Variants in CST5 observed in about 807,000 individuals in gnomAD.
The protein encoded by CST5 is cystatin D, also known as cystatin-D.
A neutral mutation model predicts 11.5 loss-of-function variants in CST5; 13 were observed. That is an observed-to-expected ratio of 1.13 (90% CI 0.73 to 1.79). CST5 has a LOEUF of 1.79. CST5 is among the 40% of genes most tolerant of loss of function. The pLI is 0.00. For synonymous variants in CST5, 81 were observed against 67.6 expected (o/e 1.20, Z -0.97); for missense variants, 219 against 174.5 (o/e 1.25, Z -1.44).
chr20:23,878,330 G>T (rs1986007043), intron 1 of CST5, among the ~76,000 whole-genome samples: 1 of 152,158 alleles, frequency 6.6e-6, no homozygotes, highest in South Asian at 2.1e-4. Context: ...ATGTCTTAGG[G>T]TTGCAACTTC....
In CST5 at chr20:23,876,218, GGAAATTT is replaced by G; in HGVS notation, c.392_398del (p.Lys131ThrfsTer3). Reference sequence around the variant, plus strand: ...CTTTCCGGCACTTGTAGTTCAGAATGGAAATTTTATCCTCCCAGGGAACTTCATTGAT... The same window carrying G: ...CTTTCCGGCACTTGTAGTTCAGAATGTATCCTCCCAGGGAACTTCATTGAT... On this transcript the variant is annotated frameshift_variant, in exon 3 of 3. Coordinates refer to ENST00000304710, the MANE Select transcript of CST5 (RefSeq NM_001900.5). LOFTEE classifies it low-confidence loss of function (END_TRUNC). The G allele has an allele frequency of 1.9e-6, 3 of 1,613,924 alleles. No homozygotes were observed. Among genetic ancestry groups the G allele is most frequent in the African/African-American group, 2.7e-5 (2 of 75,046 alleles).
intron 1 of CST5, 56 bp downstream of exon 1, chr20:23,879,390 G>A: frequency 1.5e-6 from 2 of 1,325,290 alleles, no homozygotes; most frequent in Non-Finnish European, 1.1e-6. Flanking sequence ...GCTCTGGGGG[G>A]TGAGGCAAAA....
chr20:23,876,938 A>T (rs1985975403), intron 2 of CST5, among the ~76,000 whole-genome samples: 1 of 152,186 alleles, frequency 6.6e-6, no homozygotes, highest in Admixed American at 6.5e-5. Context: ...TTCTTCCTCC[A>T]GTCCAACAGA....
intron 1 of CST5, among the ~76,000 whole-genome samples, chr20:23,878,583 G>A (rs920558007): frequency 6.6e-6 from 1 of 152,216 alleles, no homozygotes; most frequent in African/African-American, 2.4e-5. Context: ...CTCCCAGTGA[G>A]TGACACACTT....
At chr20:23,879,044 G>C (rs1986024116) in intron 1 of CST5, among the ~76,000 whole-genome samples, 1 of 152,174 alleles carries the variant, frequency 6.6e-6, no homozygotes, top group African/African-American at 2.4e-5. Flanking sequence ...GAGGGAAGCG[G>C]GGCTATCCAG....
intron 1 of CST5, among the ~76,000 whole-genome samples, chr20:23,877,884 G>A (rs1985998705): frequency 6.6e-6 from 1 of 152,220 alleles, no homozygotes; most frequent in African/African-American, 2.4e-5. Context: ...GCAGATGGAA[G>A]CCAGGGCCTA....
At position 23,876,276 on chromosome 20, in the gene CST5, G is replaced by T; in HGVS notation, c.346-5C>A. Reference sequence around the variant, plus strand: ...CTGGAAAGAGCAGAACTCTTCCTGTGAAAAGAAAGAGATGGAGAAAATGAC... The same window carrying T: ...CTGGAAAGAGCAGAACTCTTCCTGTTAAAAGAAAGAGATGGAGAAAATGAC... On this transcript the variant is annotated splice_region_variant and splice_polypyrimidine_tract_variant and intron_variant, in intron 2 of 2. Coordinates refer to ENST00000304710, the MANE Select transcript of CST5 (RefSeq NM_001900.5). 6.2e-7 allele frequency: 1 copy of T among 1,606,132 alleles called. No homozygotes were observed. The highest frequency in any genetic ancestry group is 8.5e-7 in the Non-Finnish European group (1 of 1,172,940).
chr20:23,878,277 G>A (rs1178779839), intron 1 of CST5, among the ~76,000 whole-genome samples: 2 of 152,170 alleles, frequency 1.3e-5, no homozygotes, highest in African/African-American at 2.4e-5. Flanking sequence ...CATTCCAGGT[G>A]TGATTTTCAA....
Position 23,876,154 on chromosome 20 carries a change from G to A in CST5, c.*34C>T, listed in dbSNP as rs1448269062. The A allele has an allele frequency of 6.4e-7, 1 of 1,557,578 alleles. No individual in the cohort carries two copies. The highest frequency in any genetic ancestry group is 1.1e-5 in the South Asian group (1 of 89,588). ...GGAGCACTACAGGGGGTGGGAGTAG[G>A]AGGTGGTCAGTGTGACAGGCCTTGC... is the stretch of plus-strand genomic sequence containing the variant. On this transcript the variant is annotated 3_prime_UTR_variant, in exon 3 of 3. Transcript: ENST00000304710.
Position 23,879,380 on chromosome 20 carries a change from G to T in CST5, c.231+66C>A, listed in dbSNP as rs150238317. On this transcript the variant is annotated intron_variant, in intron 1 of 2. Transcript: ENST00000304710. ...TAGATAATGTTGATTTGCTGGGAGT[G>T]CTCTGGGGGGTGAGGCAAAAAACCC... is the stretch of plus-strand genomic sequence containing the variant. The T allele has an allele frequency of 1.4e-5, 16 of 1,150,706 alleles. No individual in the cohort carries two copies. In the African/African-American group the frequency reaches 1.5e-4, roughly 11 times the overall value. The allele number at this position is 1,150,706 out of a possible 1,614,324, so 71.3% of individuals were successfully genotyped here.
Position 23,876,033 on chromosome 20 carries a change from G to A in CST5, c.*155C>T, listed in dbSNP as rs1985953795. 2 of 593,762 alleles carry A rather than the reference G, an allele frequency of 3.4e-6. No homozygotes were observed. The highest frequency in any genetic ancestry group is 3.0e-5 in the Admixed American group (1 of 33,884). 36.8% of individuals were successfully genotyped at this position (593,762 alleles called of 1,614,324 possible). ...AGGAGCAAGGGCAGAGCCTCCTGCT[G>A]AGCAACAAAGGCCTCCTGCCACCTT... On this transcript the variant is annotated 3_prime_UTR_variant, in exon 3 of 3. Coordinates refer to ENST00000304710, the MANE Select transcript of CST5 (RefSeq NM_001900.5).
rs1986037266 is a variant in CST5, at chr20:23,879,503, G to T, written c.174C>A (p.Val58=). ...LDFAISEYNK[V]INKDEYYSRP... The stretch of plus-strand genomic sequence containing the variant: ...GGCTGTAGTACTCATCCTTATTAAT[G>T]ACCTTGTTGTACTCGCTGATGGCAA... The change falls in exon 1 of 3, where the codon GTC becomes GTA. Residue 58 remains valine, a synonymous_variant. Coordinates refer to ENST00000304710, the MANE Select transcript of CST5 (RefSeq NM_001900.5). 3 of 1,614,014 alleles carry T rather than the reference G, an allele frequency of 1.9e-6. No homozygotes were observed. The highest frequency in any genetic ancestry group is 1.1e-5 in the South Asian group (1 of 91,070).
chr20:23,876,098 C>T lies in CST5; in HGVS notation c.*90G>A. 9.5e-7 allele frequency: 1 copy of T among 1,056,826 alleles called. No individual in the cohort carries two copies. The highest frequency in any genetic ancestry group is 1.4e-6 in the Non-Finnish European group (1 of 701,956). 65.5% of individuals were successfully genotyped at this position (1,056,826 alleles called of 1,614,324 possible). On this transcript the variant is annotated 3_prime_UTR_variant, in exon 3 of 3. Coordinates refer to ENST00000304710, the MANE Select transcript of CST5 (RefSeq NM_001900.5). ...TGGTGCAGGCGCATGAGGAGACCTC[C>T]CCCAGGGTGGGGGCCACCAGTCCAG...
intron 2 of CST5, among the ~76,000 whole-genome samples, chr20:23,877,124 C>T (rs1342057858): frequency 6.6e-6 from 1 of 152,188 alleles, no homozygotes; most frequent in Admixed American, 6.5e-5. Context: ...CCCACATACT[C>T]CTTCACACAT....
rs1478828446 is a variant in CST5 at position 23,877,453 on chromosome 20, G to A, written c.345+52C>T. The stretch of plus-strand genomic sequence containing the variant: ...CACACACACATACACACACACACAT[G>A]CACACACTGCTCTGCGGTACTTGAT... On this transcript the variant is annotated intron_variant, in intron 2 of 2. Transcript: ENST00000304710. The A allele has an allele frequency of 3.5e-5, 48 of 1,360,302 alleles. 1 individual carries two copies. The Admixed American group carries it at 7.9e-4, about 22-fold the overall frequency. 84.3% of individuals were successfully genotyped at this position (1,360,302 alleles called of 1,614,324 possible).
At chr20:23,879,394 G>A (rs1017804382) in intron 1 of CST5, 52 bp downstream of exon 1, 8 of 1,431,460 alleles carry the variant, frequency 5.6e-6, no homozygotes, top group Middle Eastern at 2.0e-4. Context: ...TGGGGGGTGA[G>A]GCAAAAAACC....
chr20:23,879,122 C>T (rs1193524831), intron 1 of CST5, among the ~76,000 whole-genome samples: 5 of 152,160 alleles, frequency 3.3e-5, no homozygotes, highest in African/African-American at 1.2e-4. Flanking sequence ...ACCTCGTGGC[C>T]TGGATCTCAT....
At position 23,876,088 on chromosome 20, in the gene CST5, A is replaced by T; in HGVS notation, c.*100T>A. The T allele has an allele frequency of 1.1e-6, 1 of 880,126 alleles. No individual in the cohort carries two copies. The highest frequency in any genetic ancestry group is 1.8e-6 in the Non-Finnish European group (1 of 548,306). The allele number at this position is 880,126 out of a possible 1,614,324, so 54.5% of individuals were successfully genotyped here. ...GTCTGTCTCCTGGTGCAGGCGCATG[A>T]GGAGACCTCCCCCAGGGTGGGGGCC... On this transcript the variant is annotated 3_prime_UTR_variant, in exon 3 of 3. Transcript: ENST00000304710.
chr20:23,878,491 G>A (rs904763226), intron 1 of CST5, among the ~76,000 whole-genome samples: 1 of 152,190 alleles, frequency 6.6e-6, no homozygotes, highest in African/African-American at 2.4e-5. Flanking sequence ...CCACATGGAA[G>A]TCCTGTGATC....
Sources: gnomAD v4.1 joint callset for allele counts (sites outside exome capture counted in the v4.1 genomes callset) on GRCh38, gnomAD v4.1.1 for gene constraint, MANE v1.5 for transcripts, NCBI Gene and HGNC (gene_info 2026-07-23, HGNC 2026-07-21) for gene names.